APCDD1L: variants seen among roughly 807,000 people sequenced by gnomAD.
APCDD1L encodes the protein protein APCDD1-like.
APCDD1L carries 21 observed loss-of-function variants against 24.2 expected under a neutral mutation model. That is an observed-to-expected ratio of 0.87 (90% confidence interval 0.61 to 1.25). The LOEUF (loss-of-function observed/expected upper bound fraction) is 1.25. Among genes scored for constraint, APCDD1L ranks in the 50% most tolerant of loss-of-function variants. The pLI, the probability that APCDD1L is intolerant of heterozygous loss-of-function variation, is 0.00. For synonymous variants in APCDD1L, 321 were observed against 323.6 expected, an observed-to-expected ratio of 0.99 and a Z score of 0.09; for missense variants, 704 against 711.7, an observed-to-expected ratio of 0.99 and a Z score of 0.12.
At chr20:58,466,939 G>A (rs1289943159) in intron 3 of APCDD1L, among the ~76,000 whole-genome samples, 167 bp downstream of exon 3, 1 of 152,212 alleles carries the variant, frequency 6.6e-6, no homozygotes, top group African/African-American at 2.4e-5. Context: ...AACAGGGTGC[G>A]CAAATGTCCT....
rs779736576 is a variant in APCDD1L at position 58,467,539 on chromosome 20, G to A, written c.308C>T (p.Ser103Leu). Reference sequence around the variant, plus strand: ...GCGGACTTTGCCCTTGACGAGCAGCGAGTGGGCAGGTTCCCCGCAGAAGGG... The same window carrying A: ...GCGGACTTTGCCCTTGACGAGCAGCAAGTGGGCAGGTTCCCCGCAGAAGGG... Reference protein sequence around the residue: ...EDPFCGEPAHSLLVKGKVRLR... With the variant: ...EDPFCGEPAHLLLVKGKVRLR... Residue 103 changes from serine to leucine, a missense_variant, in exon 3 of 4, where the codon TCG (serine) becomes TTG (leucine). Physicochemically the swap from Ser to Leu is moderately radical, Grantham distance 145. Coordinates refer to ENST00000371149, the MANE Select transcript of APCDD1L (RefSeq NM_153360.3). The surrounding 1 kb of genome is among the most constrained non-coding windows in gnomAD (Gnocchi z 5.9). 6.9e-6 allele frequency: 11 copies of A among 1,588,742 alleles called. No homozygotes were observed. The highest frequency in any genetic ancestry group is 1.1e-5 in the South Asian group (1 of 87,696).
At chr20:58,503,526 C>G (rs549946941) in intron 1 of APCDD1L, among the ~76,000 whole-genome samples, 4 of 152,184 alleles carry the variant, frequency 2.6e-5, no homozygotes, top group Non-Finnish European at 4.4e-5. Flanking sequence ...AGGCTAAATA[C>G]AGCCATGTCG....
At chr20:58,505,933 G>A (rs1377933887) in intron 1 of APCDD1L, among the ~76,000 whole-genome samples, 1 of 152,190 alleles carries the variant, frequency 6.6e-6, no homozygotes, top group Non-Finnish European at 1.5e-5. Flanking sequence ...TTTAAAGCCA[G>A]GGAATGCCAA....
intron 1 of APCDD1L, among the ~76,000 whole-genome samples, chr20:58,488,481 T>C (rs1408787972): frequency 6.6e-6 from 1 of 152,230 alleles, no homozygotes; most frequent in Non-Finnish European, 1.5e-5. Context: ...GGCCATACAA[T>C]GTCTCAACAA....
At chr20:58,466,494 C>T (rs1404907681) in intron 3 of APCDD1L, among the ~76,000 whole-genome samples, 1 of 152,246 alleles carries the variant, frequency 6.6e-6, no homozygotes, top group African/African-American at 2.4e-5. Flanking sequence ...GAGGGGGTGG[C>T]ATCTGGGCTG....
intron 1 of APCDD1L, among the ~76,000 whole-genome samples, chr20:58,499,422 A>C (rs1376732105): frequency 6.6e-6 from 1 of 152,148 alleles, no homozygotes; most frequent in African/African-American, 2.4e-5. Flanking sequence ...CTATGGCGAC[A>C]CCTGTCTAGG....
intron 1 of APCDD1L, among the ~76,000 whole-genome samples, chr20:58,506,662 A>G (rs183300090): frequency 2.6e-5 from 4 of 152,346 alleles, no homozygotes; most frequent in Admixed American, 1.3e-4. Flanking sequence ...ATGAACAATT[A>G]GGATCCTTCT....
chr20:58,477,563 AG>A (rs1568740271), intron 1 of APCDD1L, among the ~76,000 whole-genome samples: 1 of 152,218 alleles, frequency 6.6e-6, no homozygotes, highest in Admixed American at 6.5e-5. Context: ...TTGCTTAAGG[AG>A]GCATCTACCA....
At chr20:58,473,134 T>A (rs1989844587) in intron 1 of APCDD1L, among the ~76,000 whole-genome samples, 1 of 152,200 alleles carries the variant, frequency 6.6e-6, no homozygotes, top group Non-Finnish European at 1.5e-5. Flanking sequence ...AAGCTTGCGT[T>A]TCAGAGTAAA....
intron 2 of APCDD1L, among the ~76,000 whole-genome samples, chr20:58,468,069 C>T (rs1989751281): frequency 6.6e-6 from 1 of 152,164 alleles, no homozygotes; most frequent in African/African-American, 2.4e-5. Context: ...CCCGTCTTGT[C>T]TCCCCCTTCT....
At chr20:58,504,941 C>T (rs1316412917) in intron 1 of APCDD1L, among the ~76,000 whole-genome samples, 1 of 152,174 alleles carries the variant, frequency 6.6e-6, no homozygotes, top group African/African-American at 2.4e-5. Context: ...TCTAACCAGC[C>T]TCTCTTGCTG....
intron 1 of APCDD1L, among the ~76,000 whole-genome samples, chr20:58,493,175 C>T (rs1217966921): frequency 6.6e-6 from 1 of 152,256 alleles, no homozygotes; most frequent in Non-Finnish European, 1.5e-5. Flanking sequence ...TATATATGCA[C>T]TCACAGTGCA....
At chr20:58,490,267 G>A (rs1990199261) in intron 1 of APCDD1L, among the ~76,000 whole-genome samples, 2 of 152,258 alleles carry the variant, frequency 1.3e-5, no homozygotes, top group South Asian at 2.1e-4. Flanking sequence ...TTTCTTTCAT[G>A]TATAAGCTAT....
chr20:58,489,103 C>G (rs777273603), intron 1 of APCDD1L, among the ~76,000 whole-genome samples: 5 of 152,104 alleles, frequency 3.3e-5, no homozygotes, highest in Non-Finnish European at 7.4e-5. Flanking sequence ...AGTTTATGAT[C>G]CAATGTGTGT....
chr20:58,479,740 C>CA (rs1186194905), intron 1 of APCDD1L, among the ~76,000 whole-genome samples: 2 of 151,964 alleles, frequency 1.3e-5, no homozygotes, highest in African/African-American at 4.8e-5. Context: ...GCTCCCTACC[C>CA]AAAAAATAAC....
chr20:58,480,182 C>A (rs1989997079), intron 1 of APCDD1L, among the ~76,000 whole-genome samples: 1 of 152,154 alleles, frequency 6.6e-6, no homozygotes, highest in East Asian at 1.9e-4. Flanking sequence ...GACTTTGCTA[C>A]CTTGGGAAAC....
intron 1 of APCDD1L, among the ~76,000 whole-genome samples, chr20:58,490,804 T>C (rs151162167): frequency 3.1e-4 from 47 of 152,336 alleles, no homozygotes; most frequent in African/African-American, 1.1e-3. Context: ...TGAATCCTTT[T>C]GAGGGCAGTG....
rs557121790 is a variant in APCDD1L, at chr20:58,494,333, T to A, written c.49+20326A>T. ...CTTCTCTTCTCTTCTTTTCCTTTCC[T>A]TTCTTTTCTTTCCTTTTTTCTTGAG... On this transcript the variant is annotated intron_variant, in intron 1 of 3. Transcript: ENST00000371149. This position sits in a 1 kb window ranked among gnomAD's most constrained non-coding sequence, Gnocchi z 4.8. Among the ~76,000 whole-genome samples the A allele has an allele frequency of 6.6e-6, 1 of 152,220 alleles. No homozygotes were observed. Among genetic ancestry groups the A allele is most frequent in the African/African-American group, 2.4e-5 (1 of 41,556 alleles).
chr20:58,467,074 C>A lies in APCDD1L; in HGVS notation c.741+32G>T, dbSNP rs1311762745. ...AGCTCGCCTCCCCGAGACCACCACC[C>A]CCCTCTCCCACACCCCAACACACAC... is the stretch of plus-strand genomic sequence containing the variant. On this transcript the variant is annotated intron_variant, in intron 3 of 3. Transcript: ENST00000371149. This position sits in a 1 kb window ranked among gnomAD's most constrained non-coding sequence, Gnocchi z 5.9. The A allele has an allele frequency of 1.9e-6, 3 of 1,561,504 alleles. No individual in the cohort carries two copies. Among genetic ancestry groups the A allele is most frequent in the African/African-American group, 1.4e-5 (1 of 71,908 alleles).
Sources: gnomAD v4.1 joint callset for allele counts (sites outside exome capture counted in the v4.1 genomes callset) on GRCh38, gnomAD v4.1.1 for gene constraint, Gnocchi (gnomAD v3.1) non-coding constraint, MANE v1.5 for transcripts, NCBI Gene and HGNC (gene_info 2026-07-23, HGNC 2026-07-21) for gene names.